Variants in HLX observed in about 807,000 individuals in gnomAD.
The protein encoded by HLX is H2.0 like homeobox.
In HLX, 6 loss-of-function variants were observed where a neutral mutation model predicts 27.7. The ratio of observed to expected loss-of-function variants is 0.22; its 90% CI spans 0.12 to 0.43. HLX has a LOEUF of 0.43. Among genes scored for constraint, HLX ranks in the 20% least tolerant of loss-of-function variants. The pLI is 1.00. For missense variants in HLX, 666 were observed against 655.2 expected (o/e 1.02, Z -0.18); for synonymous variants, 328 against 293.8 (o/e 1.12, Z -1.19).
Position 220,884,047 on chromosome 1 carries a change from C to A in HLX, c.958-148C>A. On this transcript the variant is annotated intron_variant, in intron 3 of 3. Transcript: ENST00000366903. The surrounding 1 kb of genome is among the most constrained non-coding windows in gnomAD (Gnocchi z 4.9). The stretch of plus-strand genomic sequence containing the variant: ...GGCTGCCCCTTGGCTCCTGCGCCTA[C>A]CACAGTGTCTGGTCCTTGGTAGAGT... The A allele has an allele frequency of 1.2e-6, 1 of 803,212 alleles. No individual in the cohort carries two copies. 49.8% of individuals were successfully genotyped at this position (803,212 alleles called of 1,614,324 possible). A position where few individuals can be genotyped will look rare whatever the true frequency, so the allele number is the denominator to read the frequency against.
chr1:220,882,419 C>T, intron 3 of HLX, 71 bp downstream of exon 3: 5 of 1,426,114 alleles, frequency 3.5e-6, no homozygotes, highest in Admixed American at 3.6e-5. Context: ...TCTGGTAGGT[C>T]CCCTCCATCC....
intron 1 of HLX, 106 bp from the exon 2 acceptor site, chr1:220,881,088 C>G: frequency 1.9e-6 from 2 of 1,038,230 alleles, no homozygotes; most frequent in East Asian, 2.4e-5. Flanking sequence ...CTCTTGACTT[C>G]GCTCAATAAA....
chr1:220,880,416 G>C lies in HLX; in HGVS notation c.559G>C (p.Asp187His). The C allele has an allele frequency of 6.2e-7, 1 of 1,614,010 alleles. No homozygotes were observed. The highest frequency in any genetic ancestry group is 8.5e-7 in the Non-Finnish European group (1 of 1,180,034). Residue 187 changes from aspartate to histidine, a missense_variant, in exon 1 of 4, where the codon GAC (aspartate) becomes CAC (histidine). Transcript: ENST00000366903. ...GIDRILSAEFDPKVKEGNTLR... is the reference protein window; with the variant it reads ...GIDRILSAEFHPKVKEGNTLR... ...TGACCGCATTTTATCTGCAGAATTT[G>C]ACCCAAAAGTCAAAGAAGGCAACAC...
In HLX at chr1:220,882,182, C is replaced by T. The variant is rs1345261648; in HGVS notation, c.791C>T (p.Thr264Met). ...DTFPGPYAVL[T>M]KDTMPQTYKR... ...GCGGCAGGTCCCTATGCTGTGCTCA[C>T]GAAGGACACCATGCCGCAGACGTAC... The change falls in exon 3 of 4, where the codon ACG becomes ATG. Residue 264 changes from threonine (T) to methionine (M), a missense_variant. Transcript: ENST00000366903. The T allele has an allele frequency of 4.3e-6, 7 of 1,614,032 alleles. No homozygotes were observed. The highest frequency in any genetic ancestry group is 1.1e-5 in the South Asian group (1 of 91,078).
intron 3 of HLX, 38 bp downstream of exon 3, chr1:220,882,386 G>A (rs770866414): frequency 1.3e-6 from 2 of 1,597,576 alleles, no homozygotes; most frequent in South Asian, 2.2e-5. Context: ...GCGCCCTCGG[G>A]CGGGCAGCAG....
chr1:220,884,601 T>C lies in HLX; in HGVS notation c.1364T>C (p.Leu455Pro). The change falls in exon 4 of 4, where the codon CTT (leucine) becomes CCT (proline). Residue 455 changes from leucine (L) to proline (P), a missense_variant. Leu to Pro is a moderately conservative substitution (Grantham distance 98). Transcript: ENST00000366903. This position sits in a 1 kb window ranked among gnomAD's most constrained non-coding sequence, Gnocchi z 4.9. ...SSTSAGCASS[L>P]GGGGASELLP... The stretch of plus-strand genomic sequence containing the variant: ...ACCAGTGCGGGTTGCGCCAGCAGCC[T>C]TGGCGGCGGCGGCGCCTCGGAGCTT... 6.2e-7 allele frequency: 1 copy of C among 1,606,830 alleles called. No individual in the cohort carries two copies. The highest frequency in any genetic ancestry group is 8.5e-7 in the Non-Finnish European group (1 of 1,176,712).
In HLX at chr1:220,882,311, A is replaced by G. The variant is rs1455543780; in HGVS notation, c.920A>G (p.Lys307Arg). Residue 307 changes from lysine to arginine, a missense_variant, in exon 3 of 4, where the codon AAG becomes AGG. Lys to Arg is a conservative substitution (Grantham distance 26, BLOSUM62 2). Transcript: ENST00000366903. ...IQKYVTKPDR[K>R]QLAAMLGLTD... Reference sequence around the variant, plus strand: ...AAGTACGTGACCAAGCCGGACCGAAAGCAGCTGGCGGCGATGCTGGGCCTC... The same window carrying G: ...AAGTACGTGACCAAGCCGGACCGAAGGCAGCTGGCGGCGATGCTGGGCCTC... The G allele has an allele frequency of 2.5e-6, 4 of 1,614,268 alleles. No individual in the cohort carries two copies. The highest frequency in any genetic ancestry group is 3.3e-5 in the Admixed American group (2 of 60,034).
intron 3 of HLX, 103 bp downstream of exon 3, chr1:220,882,451 TGCAAAC>T: frequency 9.8e-7 from 1 of 1,025,012 alleles, no homozygotes; most frequent in Non-Finnish European, 1.5e-6. Context: ...CCTCCTGCGG[TGCAAAC>T]GCAAGATCTT....
Position 220,884,869 on chromosome 1 carries a change from C to A in HLX, c.*165C>A. The A allele has an allele frequency of 8.9e-7, 1 of 1,123,562 alleles. No homozygotes were observed. Among genetic ancestry groups the A allele is most frequent in the Non-Finnish European group, 1.2e-6 (1 of 806,886 alleles). 69.6% of individuals were successfully genotyped at this position (1,123,562 alleles called of 1,614,324 possible). On this transcript the variant is annotated 3_prime_UTR_variant, in exon 4 of 4. Coordinates refer to ENST00000366903, the MANE Select transcript of HLX (RefSeq NM_021958.4). This position sits in a 1 kb window ranked among gnomAD's most constrained non-coding sequence, Gnocchi z 4.9. ...CCCACGCTGCTCCGACTGGCTGCAG[C>A]GGACACTGCCCAAAGCAGAGGGGAG...
At position 220,884,545 on chromosome 1, in the gene HLX, C is replaced by T; in HGVS notation, c.1308C>T (p.Phe436=). The T allele has an allele frequency of 1.2e-6, 2 of 1,608,464 alleles. No homozygotes were observed. The highest frequency in any genetic ancestry group is 1.7e-6 in the Non-Finnish European group (2 of 1,177,484). Residue 436 remains phenylalanine, a synonymous_variant, in exon 4 of 4, where the codon TTC becomes TTT. Transcript: ENST00000366903. The surrounding 1 kb of genome is among the most constrained non-coding windows in gnomAD (Gnocchi z 4.9). The part of the protein sequence containing the change: ...SSGGGGNSFS[F]SSASSLSSSS... ...GCGGCGGCGGCAATAGTTTCAGCTT[C>T]AGCAGCGCCAGCAGTCTTAGTAGCA... is the stretch of plus-strand genomic sequence containing the variant.
In HLX at chr1:220,884,489, G is replaced by A. The variant is rs920741102; in HGVS notation, c.1252G>A (p.Ala418Thr). Residue 418 changes from alanine to threonine, a missense_variant, in exon 4 of 4, where the codon GCC becomes ACC. By Grantham distance (58) the Ala-to-Thr change is moderately conservative (BLOSUM62 0). Coordinates refer to ENST00000366903, the MANE Select transcript of HLX (RefSeq NM_021958.4). This position sits in a 1 kb window ranked among gnomAD's most constrained non-coding sequence, Gnocchi z 4.9. Reference sequence around the variant, plus strand: ...CCCGGTCACTGGCGCCCTCATTACCGCCAGCAGTGCTGGGAGTGGTGGGAG... The same window carrying A: ...CCCGGTCACTGGCGCCCTCATTACCACCAGCAGTGCTGGGAGTGGTGGGAG... ...KAPVTGALIT[A>T]SSAGSGGSSG... 4 of 1,613,924 alleles carry A rather than the reference G, an allele frequency of 2.5e-6. No individual in the cohort carries two copies. The highest frequency in any genetic ancestry group is 1.7e-5 in the Admixed American group (1 of 60,000).
Position 220,879,690 on chromosome 1 carries a change from C to T in HLX, c.-168C>T. ...CCGAGATCCGGCCCTCGCCTCCTCCCTCGGTGGCGCTAGGGCTCCCGGCCT... is the reference window on the plus strand; with the variant it reads ...CCGAGATCCGGCCCTCGCCTCCTCCTTCGGTGGCGCTAGGGCTCCCGGCCT... On this transcript the variant is annotated 5_prime_UTR_variant, in exon 1 of 4. Coordinates refer to ENST00000366903, the MANE Select transcript of HLX (RefSeq NM_021958.4). 9.0e-7 allele frequency: 1 copy of T among 1,112,438 alleles called. No homozygotes were observed. The highest frequency in any genetic ancestry group is 1.2e-6 in the Non-Finnish European group (1 of 829,524). The allele number at this position is 1,112,438 out of a possible 1,614,324, so 68.9% of individuals were successfully genotyped here.
chr1:220,881,361 G>T lies in HLX; in HGVS notation c.760G>T (p.Asp254Tyr). The part of the protein sequence containing the change: ...PRNSVQHQFQ[D>Y]TFPGPYAVLT... The stretch of plus-strand genomic sequence containing the variant: ...AAATTCAGTTCAGCATCAGTTCCAA[G>T]ACACGTTTCCAGGTACGGAAAAACT... The change falls in exon 2 of 4, where the codon GAC becomes TAC. Residue 254 changes from aspartate to tyrosine, a missense_variant. Physicochemically the swap from Asp to Tyr is radical, Grantham distance 160. Coordinates refer to ENST00000366903, the MANE Select transcript of HLX (RefSeq NM_021958.4). 6.2e-7 allele frequency: 1 copy of T among 1,614,008 alleles called. No individual in the cohort carries two copies. The highest frequency in any genetic ancestry group is 1.1e-5 in the South Asian group (1 of 91,078).
intron 3 of HLX, chr1:220,882,592 G>A: frequency 1.9e-6 from 1 of 534,748 alleles, no homozygotes; most frequent in Admixed American, 3.1e-5. Context: ...AGCACTGCAT[G>A]TTTATTTTGG....
chr1:220,881,423 C>G (rs1674435242), intron 2 of HLX, 50 bp downstream of exon 2: 1 of 1,478,642 alleles, frequency 6.8e-7, no homozygotes. Context: ...GACTAACAGT[C>G]AGAAATCTCA....
intron 1 of HLX, chr1:220,880,799 T>G (rs1674410083): frequency 2.5e-6 from 1 of 400,294 alleles, no homozygotes. Flanking sequence ...GGAAACACTT[T>G]CGCACTTATC....
chr1:220,884,070 A>AGTC lies in HLX; in HGVS notation c.958-123_958-121dup, dbSNP rs1471055873. 1.5e-5 allele frequency: 14 copies of AGTC among 948,038 alleles called. No homozygotes were observed. Among genetic ancestry groups the AGTC allele is most frequent in the Non-Finnish European group, 2.2e-5 (13 of 600,764 alleles). 58.7% of individuals were successfully genotyped at this position (948,038 alleles called of 1,614,324 possible). On this transcript the variant is annotated intron_variant, in intron 3 of 3. Coordinates refer to ENST00000366903, the MANE Select transcript of HLX (RefSeq NM_021958.4). The surrounding 1 kb of genome is among the most constrained non-coding windows in gnomAD (Gnocchi z 4.9). The stretch of plus-strand genomic sequence containing the variant: ...TACCACAGTGTCTGGTCCTTGGTAG[A>AGTC]GTCGCCAAGTAAGCGTTGCTTTTTC...
Position 220,884,856 on chromosome 1 carries a change from C to G in HLX, c.*152C>G, listed in dbSNP as rs1674536607. The G allele has an allele frequency of 1.6e-6, 2 of 1,270,348 alleles. No homozygotes were observed. Among genetic ancestry groups the G allele is most frequent in the Non-Finnish European group, 2.1e-6 (2 of 937,810 alleles). The allele number at this position is 1,270,348 out of a possible 1,614,324, so 78.7% of individuals were successfully genotyped here. On this transcript the variant is annotated 3_prime_UTR_variant, in exon 4 of 4. Transcript: ENST00000366903. This position sits in a 1 kb window ranked among gnomAD's most constrained non-coding sequence, Gnocchi z 4.9. ...ATTCACGCTTCGCCCCACGCTGCTC[C>G]GACTGGCTGCAGCGGACACTGCCCA...
chr1:220,881,639 C>T (rs902334213), intron 2 of HLX: 11 of 552,066 alleles, frequency 2.0e-5, no homozygotes, highest in African/African-American at 5.7e-5. Context: ...GAAGTCTTTT[C>T]GCCCCAGAGG....
Sources: allele counts gnomAD v4.1 joint callset, GRCh38; gene constraint gnomAD v4.1.1; non-coding constraint Gnocchi (gnomAD v3.1); transcripts MANE v1.5; gene names NCBI Gene and HGNC (gene_info 2026-07-23, HGNC 2026-07-21).